Variants in VLDLR observed in about 807,000 individuals in gnomAD.
VLDLR encodes the protein very low density lipoprotein receptor, also known as very low-density lipoprotein receptor.
Under a neutral mutation model 112.7 loss-of-function variants are expected in VLDLR, and 81 were observed. That is an observed-to-expected ratio of 0.72 (90% confidence interval 0.60 to 0.86). VLDLR has a LOEUF of 0.86. Among genes scored for constraint, VLDLR ranks in the 40% least tolerant of loss-of-function variants. VLDLR has a pLI of 0.00. For synonymous variants in VLDLR, 436 were observed against 384.8 expected, an observed-to-expected ratio of 1.13 and a Z score of -1.56; for missense variants, 1,237 against 1,099.4, an observed-to-expected ratio of 1.13 and a Z score of -1.77.
chr9:2,626,773 A>G (rs901934815), intron 1 of VLDLR, among the ~76,000 whole-genome samples: 6 of 151,366 alleles, frequency 4.0e-5, no homozygotes, highest in Non-Finnish European at 8.8e-5. Context: ...GGGACATAAC[A>G]AAGCCTCGGC....
At chr9:2,639,735 G>A in intron 2 of VLDLR, 124 bp from the exon 3 acceptor site, 2 of 1,401,916 alleles carry the variant, frequency 1.4e-6, no homozygotes, top group Non-Finnish European at 2.0e-6. Context: ...ATTGGCAGTT[G>A]AGTGCCCATT....
intron 1 of VLDLR, among the ~76,000 whole-genome samples, chr9:2,629,519 C>T: frequency 6.6e-6 from 1 of 152,194 alleles, no homozygotes; most frequent in East Asian, 1.9e-4. Flanking sequence ...CTTTCCTTCT[C>T]TACCAGGTTT....
In VLDLR at chr9:2,641,503, A is replaced by G; in HGVS notation, c.448+4A>G. 6.2e-7 allele frequency: 1 copy of G among 1,614,146 alleles called. No individual in the cohort carries two copies. ...GGAGAAGATGAAGAAAACTGTGGTA[A>G]GAAGATCAGTGTTGAGTGACGTAAC... is the stretch of plus-strand genomic sequence containing the variant. On this transcript the variant is annotated splice_donor_region_variant and intron_variant, in intron 4 of 18. Transcript: ENST00000382100.
At chr9:2,652,300 A>C (rs1818386559) in intron 17 of VLDLR, among the ~76,000 whole-genome samples, 2 of 152,204 alleles carry the variant, frequency 1.3e-5, no homozygotes. Context: ...TACAGAGGAG[A>C]TGCACAAATG....
intron 1 of VLDLR, among the ~76,000 whole-genome samples, chr9:2,630,511 C>T (rs1817302551): frequency 6.6e-6 from 1 of 152,162 alleles, no homozygotes; most frequent in Non-Finnish European, 1.5e-5. Flanking sequence ...ACGCTCTGAG[C>T]CTGGTACCCA....
chr9:2,655,635 G>T lies in VLDLR; in HGVS notation c.*1767G>T, dbSNP rs778371722. 1 of 152,162 alleles carries T rather than the reference G, an allele frequency of 6.6e-6. No individual in the cohort carries two copies. The allele number at this position is 152,162 out of a possible 1,614,324, so 9.4% of individuals were successfully genotyped here. A position where few individuals can be genotyped will look rare whatever the true frequency, so the allele number is the denominator to read the frequency against. ...ACTAGATGAAGGGGAAGTTGGTTCT[G>T]TTGTCTTAAGGGATGCCCCCTTGTG... On this transcript the variant is annotated 3_prime_UTR_variant, in exon 19 of 19. Coordinates refer to ENST00000382100, the MANE Select transcript of VLDLR (RefSeq NM_003383.5).
Position 2,621,876 on chromosome 9 carries a change from C to G in VLDLR, c.-314C>G, listed in dbSNP as rs953543496. The G allele has an allele frequency of 3.3e-6, 2 of 598,876 alleles. No homozygotes were observed. Among genetic ancestry groups the G allele is most frequent in the African/African-American group, 3.7e-5 (2 of 54,236 alleles). 37.1% of individuals were successfully genotyped at this position (598,876 alleles called of 1,614,324 possible). ...TCTTCTGCTCTCGGCTCCCCACCCC[C>G]TCTCCCTTCCCTCCTCTCCCCTTGC... On this transcript the variant is annotated 5_prime_UTR_variant, in exon 1 of 19. Coordinates refer to ENST00000382100, the MANE Select transcript of VLDLR (RefSeq NM_003383.5).
rs59843405 is a variant in VLDLR, at chr9:2,653,641, A to T, written c.2587-192A>T. On this transcript the variant is annotated intron_variant, in intron 18 of 18. Transcript: ENST00000382100. ...AGTCACACTATCTTATCTCACTACC[A>T]AGCAGGTATAGTTGAATTCAAGTTA... 3.9e-3 allele frequency among the ~76,000 whole-genome samples: 592 copies of T among 152,306 alleles called. 9 individuals are homozygous for T. Among genetic ancestry groups the T allele is most frequent in the African/African-American group, 0.014 (575 of 41,574 alleles).
intron 4 of VLDLR, among the ~76,000 whole-genome samples, chr9:2,641,702 T>A (rs903694522): frequency 6.6e-5 from 10 of 152,164 alleles, no homozygotes; most frequent in Non-Finnish European, 1.5e-4. Context: ...TCGCTTGGTG[T>A]TTCTTTTAGG....
intron 11 of VLDLR, 126 bp downstream of exon 11, chr9:2,646,678 C>T: frequency 1.0e-6 from 1 of 994,390 alleles, no homozygotes; most frequent in Non-Finnish European, 1.5e-6. Context: ...AATTAGAATT[C>T]TAATTTAAGA....
At chr9:2,640,013 G>A (rs1265024871) in intron 3 of VLDLR, 32 bp downstream of exon 3, 1 of 1,614,060 alleles carries the variant, frequency 6.2e-7, no homozygotes, top group South Asian at 1.1e-5. Context: ...CTTGAACTTT[G>A]CCAAGTTGTT....
At position 2,648,735 on chromosome 9, in the gene VLDLR, G is replaced by C. The variant is rs767037080; in HGVS notation, c.2029G>C (p.Glu677Gln). 9 of 1,614,036 alleles carry C rather than the reference G, an allele frequency of 5.6e-6. No homozygotes were observed. The African/African-American group carries it at 9.3e-5, about 17-fold the overall frequency. ...VYGANKFTGS[E>Q]LATLVNNLND... ...TGGTGCCAATAAATTCACTGGATCAGAGCTAGCCACTCTAGTCAACAACCT... is the reference window on the plus strand; with the variant it reads ...TGGTGCCAATAAATTCACTGGATCACAGCTAGCCACTCTAGTCAACAACCT... Residue 677 changes from glutamate to glutamine, a missense_variant, in exon 14 of 19, where the codon GAG becomes CAG. Glu to Gln is a conservative substitution (Grantham distance 29). Transcript: ENST00000382100.
intron 1 of VLDLR, among the ~76,000 whole-genome samples, chr9:2,625,391 T>C (rs886684811): frequency 2.0e-5 from 3 of 152,234 alleles, no homozygotes; most frequent in Non-Finnish European, 2.9e-5. Flanking sequence ...TTTAAATATC[T>C]AGCCCATTTT....
At chr9:2,635,962 A>C (rs1012409746) in intron 2 of VLDLR, among the ~76,000 whole-genome samples, 2 of 152,162 alleles carry the variant, frequency 1.3e-5, no homozygotes, top group Non-Finnish European at 2.9e-5. Context: ...AAAATCCCAT[A>C]AAGTTTCAGG....
At chr9:2,627,544 G>A (rs1817149271) in intron 1 of VLDLR, among the ~76,000 whole-genome samples, 1 of 152,112 alleles carries the variant, frequency 6.6e-6, no homozygotes, top group African/African-American at 2.4e-5. Context: ...ACAAGTGTGT[G>A]AAAATGCACT....
Position 2,657,671 on chromosome 9 carries a change from C to G in VLDLR, c.*3803C>G, listed in dbSNP as rs1323306246. 6.6e-6 allele frequency: 1 copy of G among 152,362 alleles called. No homozygotes were observed. The highest frequency in any genetic ancestry group is 2.4e-5 in the African/African-American group (1 of 41,576). The allele number at this position is 152,362 out of a possible 1,614,324, so 9.4% of individuals were successfully genotyped here. ...GTGCTAACTGCTGCTGCTGCCCGTT[C>G]TGTTGGCGGCTGCTGGCCAAGTGTG... On this transcript the variant is annotated 3_prime_UTR_variant, in exon 19 of 19. Transcript: ENST00000382100.
Position 2,652,581 on chromosome 9 carries a change from C to G in VLDLR, c.2417-199C>G, listed in dbSNP as rs116793531. On this transcript the variant is annotated intron_variant, in intron 17 of 18. Transcript: ENST00000382100. ...CTGGATGGATGTGGCTAGTCCAGCT[C>G]CAGTGCACAGAGCTACCTCTGGGCT... Among the ~76,000 whole-genome samples, 175 of 152,276 alleles carry G rather than the reference C, an allele frequency of 1.1e-3. 1 individual carries two copies. Among genetic ancestry groups the G allele is most frequent in the African/African-American group, 3.9e-3 (164 of 41,568 alleles).
At chr9:2,646,890 C>T (rs935206473) in intron 11 of VLDLR, among the ~76,000 whole-genome samples, 1 of 152,154 alleles carries the variant, frequency 6.6e-6, no homozygotes, top group African/African-American at 2.4e-5. Flanking sequence ...TGACTGAAAG[C>T]TTTGCTGGGC....
At chr9:2,622,898 G>C (rs562454487) in intron 1 of VLDLR, among the ~76,000 whole-genome samples, 51 of 152,276 alleles carry the variant, frequency 3.3e-4, no homozygotes, top group African/African-American at 1.0e-3. Flanking sequence ...GTGCGGGGTA[G>C]GGGAGCGGCG....
Sources: gnomAD v4.1 joint callset for allele counts (sites outside exome capture counted in the v4.1 genomes callset) on GRCh38, gnomAD v4.1.1 for gene constraint, MANE v1.5 for transcripts, NCBI Gene and HGNC (gene_info 2026-07-23, HGNC 2026-07-21) for gene names.